The following NCOA5 variants were observed in gnomAD, a reference collection of about 807,000 sequenced individuals.
NCOA5 encodes NCoA-5.
Under a neutral mutation model 59.0 loss-of-function variants are expected in NCOA5, and 12 were observed. That is an observed-to-expected ratio of 0.20 (90% confidence interval 0.13 to 0.33). The LOEUF (loss-of-function observed/expected upper bound fraction) is 0.33, where lower values mean the gene tolerates loss of function less well. NCOA5 is among the 10% of genes least tolerant of loss of function. The probability of loss-of-function intolerance (pLI) is 1.00; values close to 1 mark genes in which losing one functional copy is unlikely to be tolerated. For synonymous variants in NCOA5, 270 were observed against 275.5 expected (o/e 0.98, Z 0.20); for missense variants, 655 against 766.6 (o/e 0.85, Z 1.72).
chr20:46,088,719 A>G (rs1006831567), intron 1 of NCOA5, among the ~76,000 whole-genome samples: 3 of 152,250 alleles, frequency 2.0e-5, no homozygotes, highest in Non-Finnish European at 4.4e-5. Context: ...AAGCTGTTAC[A>G]TTATCCCTGA....
intron 2 of NCOA5, among the ~76,000 whole-genome samples, chr20:46,071,358 T>A (rs952139509): frequency 1.3e-5 from 2 of 152,206 alleles, no homozygotes; most frequent in Admixed American, 6.5e-5. Context: ...TTTCCACTTA[T>A]CAAGTTTTAA....
chr20:46,087,890 T>C (rs992228388), intron 1 of NCOA5, among the ~76,000 whole-genome samples: 12 of 152,188 alleles, frequency 7.9e-5, no homozygotes, highest in African/African-American at 2.9e-4. Context: ...GACCTTAGCC[T>C]TACGTAAATT....
At chr20:46,084,572 A>C (rs1258781296) in intron 1 of NCOA5, among the ~76,000 whole-genome samples, 5 of 152,236 alleles carry the variant, frequency 3.3e-5, no homozygotes, top group African/African-American at 1.2e-4. Context: ...ATCAACATTT[A>C]ATTTCCTACC....
chr20:46,062,827 A>G lies in NCOA5; in HGVS notation c.1213T>C (p.Ser405Pro). 2 of 1,540,514 alleles carry G rather than the reference A, an allele frequency of 1.3e-6. No homozygotes were observed. ...ACTTGGCCGCTCTGGAGCGGTTGGG[A>G]GCTTGGCTGTGTCTTCAGCGAGGCA... ...SGASLKTQPS[S>P]QPLQSGQVLP... The change falls in exon 8 of 8, where the codon TCC becomes CCC. Residue 405 changes from serine to proline, a missense_variant. Ser to Pro is a moderately conservative substitution (Grantham distance 74). Around this residue, in one of 3 missense-constraint regions of NCOA5, gnomAD observed 325 missense variants for 353.2 expected, o/e 0.92. Coordinates refer to ENST00000290231, the MANE Select transcript of NCOA5 (RefSeq NM_020967.3).
intron 5 of NCOA5, among the ~76,000 whole-genome samples, chr20:46,065,488 T>C (rs945898213): frequency 6.6e-6 from 1 of 152,170 alleles, no homozygotes; most frequent in African/African-American, 2.4e-5. Context: ...CCTGTGGTCC[T>C]TCCTTAAGAC....
At chr20:46,080,253 T>C (rs1289941363) in intron 1 of NCOA5, among the ~76,000 whole-genome samples, 1 of 152,146 alleles carries the variant, frequency 6.6e-6, no homozygotes, top group Non-Finnish European at 1.5e-5. Flanking sequence ...AAACCAAGAA[T>C]ACCTGCTTTA....
Position 46,070,274 on chromosome 20 carries a change from C to T in NCOA5, c.301G>A (p.Asp101Asn). The T allele has an allele frequency of 1.9e-6, 3 of 1,614,074 alleles. No individual in the cohort carries two copies. Among genetic ancestry groups the T allele is most frequent in the Non-Finnish European group, 1.7e-6 (2 of 1,180,036 alleles). ...RDLRDSRDFR[D>N]QRDPMYDRYR... is the part of the protein sequence containing the mutation. ...CTGTCGTACATGGGGTCTCGCTGAT[C>T]TCGAAAATCCCTAGAGTCTCTTAGA... is the stretch of plus-strand genomic sequence containing the variant. Residue 101 changes from aspartate (D) to asparagine (N), a missense_variant, in exon 3 of 8, where the codon GAT (aspartate) becomes AAT (asparagine). Coordinates refer to ENST00000290231, the MANE Select transcript of NCOA5 (RefSeq NM_020967.3).
At position 46,061,077 on chromosome 20, in the gene NCOA5, A is replaced by G. The variant is rs528748676; in HGVS notation, c.*1223T>C. 1 of 152,152 alleles carries G rather than the reference A, an allele frequency of 6.6e-6. No individual in the cohort carries two copies. Among genetic ancestry groups the G allele is most frequent in the East Asian group, 1.9e-4 (1 of 5,186 alleles). 9.4% of individuals were successfully genotyped at this position (152,152 alleles called of 1,614,324 possible). Reference sequence around the variant, plus strand: ...AGGAAAAAAAAAACCACTATATAACACAAACAGGTCAGAACATAAAATGCT... The same window carrying G: ...AGGAAAAAAAAAACCACTATATAACGCAAACAGGTCAGAACATAAAATGCT... On this transcript the variant is annotated 3_prime_UTR_variant, in exon 8 of 8. Coordinates refer to ENST00000290231, the MANE Select transcript of NCOA5 (RefSeq NM_020967.3).
Position 46,061,598 on chromosome 20 carries a change from G to T in NCOA5, c.*702C>A. On this transcript the variant is annotated 3_prime_UTR_variant, in exon 8 of 8. Transcript: ENST00000290231. ...GGTGGGGCCCAGATTCACAGTTTGT[G>T]GTAACTGCTGCTGACTGGAGCTGTT... 6.5e-6 allele frequency: 1 copy of T among 152,680 alleles called. No homozygotes were observed. The highest frequency in any genetic ancestry group is 6.5e-5 in the Admixed American group (1 of 15,288). The allele number at this position is 152,680 out of a possible 1,614,324, so 9.5% of individuals were successfully genotyped here. A position where few individuals can be genotyped will look rare whatever the true frequency, so the allele number is the denominator to read the frequency against.
Position 46,062,196 on chromosome 20 carries a change from G to A in NCOA5, c.*104C>T, listed in dbSNP as rs1008415860. 2.0e-5 allele frequency: 17 copies of A among 850,618 alleles called. No individual in the cohort carries two copies. The East Asian group carries it at 2.7e-4, about 13-fold the overall frequency. The allele number at this position is 850,618 out of a possible 1,614,324, so 52.7% of individuals were successfully genotyped here. Reference sequence around the variant, plus strand: ...GTAGAAATTGATGACACTCGATGCCGGCCTGGGAGCGCAGAGAACATCCTC... The same window carrying A: ...GTAGAAATTGATGACACTCGATGCCAGCCTGGGAGCGCAGAGAACATCCTC... On this transcript the variant is annotated 3_prime_UTR_variant, in exon 8 of 8. Coordinates refer to ENST00000290231, the MANE Select transcript of NCOA5 (RefSeq NM_020967.3).
intron 4 of NCOA5, 48 bp downstream of exon 4, chr20:46,068,454 G>A (rs1287697133): frequency 6.4e-7 from 1 of 1,559,698 alleles, no homozygotes. Flanking sequence ...TCTCTCTTTT[G>A]TAAAGTGTTC....
intron 1 of NCOA5, among the ~76,000 whole-genome samples, chr20:46,089,002 A>T (rs1004628748): frequency 6.6e-6 from 1 of 152,206 alleles, no homozygotes; most frequent in African/African-American, 2.4e-5. Context: ...AGAAAAAAAG[A>T]GTCAGTTTGA....
At chr20:46,068,713 G>A (rs2084850461) in intron 3 of NCOA5, 75 bp from the exon 4 acceptor site, 1 of 1,448,010 alleles carries the variant, frequency 6.9e-7, no homozygotes. Flanking sequence ...GAATTCTCTG[G>A]GATTAGACAA....
chr20:46,081,357 T>C (rs900982736), intron 1 of NCOA5, among the ~76,000 whole-genome samples: 5 of 152,146 alleles, frequency 3.3e-5, no homozygotes, highest in African/African-American at 1.2e-4. Flanking sequence ...TGTATAATTA[T>C]AGCCAGTTTC....
rs1274596906 is a variant in NCOA5, at chr20:46,067,060, C to G, written c.624G>C (p.Gln208His). Residue 208 changes from glutamine to histidine, a missense_variant, in exon 5 of 8, where the codon CAG (glutamine) becomes CAC (histidine). By Grantham distance (24) the Gln-to-His change is conservative. Coordinates refer to ENST00000290231, the MANE Select transcript of NCOA5 (RefSeq NM_020967.3). Reference protein sequence around the residue: ...VDCSVIVVNKQTKDYAESVGR... With the variant: ...VDCSVIVVNKHTKDYAESVGR... ...AAATATCTAAGGGTTCTTACTTTGTCTGTTTGTTGACCACAATCACAGAAC... is the reference window on the plus strand; with the variant it reads ...AAATATCTAAGGGTTCTTACTTTGTGTGTTTGTTGACCACAATCACAGAAC... 1 of 1,613,098 alleles carries G rather than the reference C, an allele frequency of 6.2e-7. No homozygotes were observed. The highest frequency in any genetic ancestry group is 1.3e-5 in the African/African-American group (1 of 74,844).
rs531608541 is a variant in NCOA5, at chr20:46,066,241, C to T, written c.629+814G>A. ...TGCTATACTCCTTTCTGCTTCTCTG[C>T]TCTGCCTCTTCAAGGAGAAAATGTA... On this transcript the variant is annotated intron_variant, in intron 5 of 7. Transcript: ENST00000290231. 1.3e-4 allele frequency among the ~76,000 whole-genome samples: 20 copies of T among 152,320 alleles called. No homozygotes were observed. In the South Asian group the frequency reaches 3.7e-3, roughly 28 times the overall value.
At position 46,062,514 on chromosome 20, in the gene NCOA5, A is replaced by C; in HGVS notation, c.1526T>G (p.Phe509Cys). The change falls in exon 8 of 8, where the codon TTT becomes TGT. Residue 509 changes from phenylalanine (F) to cysteine (C), a missense_variant. By Grantham distance (205) the Phe-to-Cys change is radical. Transcript: ENST00000290231. ...PRPGAPSQGL[F>C]GQPSSRLAPA... ...TGCCAGGCGACTGGAAGGCTGGCCA[A>C]AAAGCCCTTGGGAAGGAGCCCCAGG... The C allele has an allele frequency of 6.2e-7, 1 of 1,614,164 alleles. No homozygotes were observed. The highest frequency in any genetic ancestry group is 8.5e-7 in the Non-Finnish European group (1 of 1,180,026).
chr20:46,083,730 T>C (rs969207878), intron 1 of NCOA5, among the ~76,000 whole-genome samples: 3 of 152,228 alleles, frequency 2.0e-5, no homozygotes, highest in Non-Finnish European at 2.9e-5. Context: ...CTGATAAAGA[T>C]AATGCCAGTT....
At position 46,062,611 on chromosome 20, in the gene NCOA5, A is replaced by C. The variant is rs772750442; in HGVS notation, c.1429T>G (p.Ser477Ala). The change falls in exon 8 of 8, where the codon TCA becomes GCA. Residue 477 changes from serine (S) to alanine (A), a missense_variant. Coordinates refer to ENST00000290231, the MANE Select transcript of NCOA5 (RefSeq NM_020967.3). ...GGAGGCTGATTGCCAGAAGCCTGTG[A>C]TCTTTGTTGAGGCTGGCTGTTTGCT... ...TAANSQPQQR[S>A]QASGNQPPSI... The C allele has an allele frequency of 6.2e-7, 1 of 1,614,142 alleles. No homozygotes were observed. Among genetic ancestry groups the C allele is most frequent in the Non-Finnish European group, 8.5e-7 (1 of 1,180,010 alleles).
Sources: allele counts gnomAD v4.1 joint callset (sites outside exome capture counted in the v4.1 genomes callset), GRCh38; gene constraint gnomAD v4.1.1; regional missense constraint gnomAD v4.1.1; transcripts MANE v1.5; gene names NCBI Gene and HGNC (gene_info 2026-07-23, HGNC 2026-07-21).